PLK5: variants seen among roughly 807,000 people sequenced by gnomAD.
PLK5 encodes inactive serine/threonine-protein kinase PLK5.
Under a neutral mutation model 33.7 loss-of-function variants are expected in PLK5, and 28 were observed. That is an observed-to-expected ratio of 0.83 (90% CI 0.62 to 1.14). The LOEUF (loss-of-function observed/expected upper bound fraction) is 1.14. Among genes scored for constraint, PLK5 ranks in the 50% most tolerant of loss-of-function variants. PLK5 has a pLI of 0.00. For synonymous variants in PLK5, 225 were observed against 202.2 expected (o/e 1.11, Z -0.96); for missense variants, 492 against 461.5 (o/e 1.07, Z -0.61).
chr19:1,530,533 C>A (rs4485495), intron 11 of PLK5, among the ~76,000 whole-genome samples: 10,319 of 150,760 alleles, frequency 0.068, 1,161 homozygotes, highest in African/African-American at 0.24. Flanking sequence ...TCCTGACCTC[C>A]GGTGATCTGG....
At position 1,535,381 on chromosome 19, in the gene PLK5, C is replaced by G; in HGVS notation, c.*131C>G. 9.9e-7 allele frequency: 1 copy of G among 1,014,440 alleles called. No homozygotes were observed. The highest frequency in any genetic ancestry group is 1.7e-5 in the South Asian group (1 of 58,522). 62.8% of individuals were successfully genotyped at this position (1,014,440 alleles called of 1,614,324 possible). On this transcript the variant is annotated 3_prime_UTR_variant, in exon 14 of 14. Coordinates refer to ENST00000454744, the MANE Select transcript of PLK5 (RefSeq NM_001243079.2). ...GGGGCACACGGGAGGTGGGTTCTTG[C>G]CTTGTGGCATGACTGTTCAACCCAG...
At chr19:1,531,623 C>T (rs979510546) in intron 11 of PLK5, 115 bp from the exon 12 acceptor site, 20 of 1,296,034 alleles carry the variant, frequency 1.5e-5, no homozygotes, top group Non-Finnish European at 1.7e-5. Context: ...AGCCTCTGTC[C>T]GGTCCCCGCC....
chr19:1,526,540 G>T lies in PLK5; in HGVS notation c.-258G>T, dbSNP rs2256653. 189,952 of 285,786 alleles carry T rather than the reference G, an allele frequency of 0.66. 64,091 individuals are homozygous for T. Among genetic ancestry groups the T allele is most frequent in the Middle Eastern group, 0.84 (689 of 824 alleles). The allele number at this position is 285,786 out of a possible 1,614,324, so 17.7% of individuals were successfully genotyped here. On this transcript the variant is annotated 5_prime_UTR_variant, in exon 4 of 14. Transcript: ENST00000454744. ...GATCCTGACGGAGCCAGAAGTGCGCGACTACCTGCGGGGCCTGGTCAGCGG... is the reference window on the plus strand; with the variant it reads ...GATCCTGACGGAGCCAGAAGTGCGCTACTACCTGCGGGGCCTGGTCAGCGG...
Position 1,526,757 on chromosome 19 carries a change from G to T in PLK5, c.-129G>T. 1 of 573,858 alleles carries T rather than the reference G, an allele frequency of 1.7e-6. No individual in the cohort carries two copies. Among genetic ancestry groups the T allele is most frequent in the Non-Finnish European group, 3.1e-6 (1 of 322,646 alleles). 35.5% of individuals were successfully genotyped at this position (573,858 alleles called of 1,614,324 possible). A position where few individuals can be genotyped will look rare whatever the true frequency, so the allele number is the denominator to read the frequency against. The stretch of plus-strand genomic sequence containing the variant: ...GGTGAAGATTGGAGACCTGGGACTG[G>T]CGGCCAAGGTGGGGCCAGGGGGCCG... On this transcript the variant is annotated 5_prime_UTR_variant, in exon 5 of 14. Transcript: ENST00000454744.
chr19:1,528,076 C>T lies in PLK5; in HGVS notation c.143C>T (p.Pro48Leu). ...CGCCTCATCGTGCACCTCCTAGCAC[C>T]CAACCCGGCCGAGCGGCCCAGCCTG... ...ARRLIVHLLA[P>L]NPAERPSLDH... The change falls in exon 7 of 14, where the codon CCC (proline) becomes CTC (leucine). Residue 48 changes from proline to leucine, a missense_variant. Transcript: ENST00000454744. 6.5e-7 allele frequency: 1 copy of T among 1,536,062 alleles called. No homozygotes were observed. The highest frequency in any genetic ancestry group is 8.7e-7 in the Non-Finnish European group (1 of 1,146,850).
At chr19:1,533,407 A>G (rs929441670) in intron 12 of PLK5, among the ~76,000 whole-genome samples, 1 of 152,084 alleles carries the variant, frequency 6.6e-6, no homozygotes, top group African/African-American at 2.4e-5. Flanking sequence ...CAATCTTTCT[A>G]GCGGGAGTGA....
Position 1,528,940 on chromosome 19 carries a change from G to A in PLK5, c.371G>A (p.Gly124Glu), listed in dbSNP as rs1913841496. ...GAGGCCTCGGGTCCAGGAGAAGGTG[G>A]GCCAGACCCTGACTCCATGGAGTGG... ...PKEASGPGEGGPDPDSMEWDG... is the reference protein window; with the variant it reads ...PKEASGPGEGEPDPDSMEWDG... Residue 124 changes from glycine to glutamate, a missense_variant, in exon 9 of 14, where the codon GGG becomes GAG. Coordinates refer to ENST00000454744, the MANE Select transcript of PLK5 (RefSeq NM_001243079.2). 4 of 1,520,142 alleles carry A rather than the reference G, an allele frequency of 2.6e-6. No individual in the cohort carries two copies. Among genetic ancestry groups the A allele is most frequent in the Non-Finnish European group, 3.5e-6 (4 of 1,139,780 alleles). 94.2% of individuals were successfully genotyped at this position (1,520,142 alleles called of 1,614,324 possible). A position where few individuals can be genotyped will look rare whatever the true frequency, so the allele number is the denominator to read the frequency against.
chr19:1,533,789 G>T, intron 12 of PLK5, 142 bp from the exon 13 acceptor site: 5 of 666,736 alleles, frequency 7.5e-6, no homozygotes, highest in South Asian at 7.0e-5. Flanking sequence ...CGGCCTGCTG[G>T]GCGCCAAGCT....
In PLK5 at chr19:1,535,403, C is replaced by A; in HGVS notation, c.*153C>A. 1.3e-6 allele frequency: 1 copy of A among 756,808 alleles called. No homozygotes were observed. The highest frequency in any genetic ancestry group is 2.0e-6 in the Non-Finnish European group (1 of 502,738). 46.9% of individuals were successfully genotyped at this position (756,808 alleles called of 1,614,324 possible). ...TTGCCTTGTGGCATGACTGTTCAACCCAGACTTTGCTGGGATCTCTTCCTT... is the reference window on the plus strand; with the variant it reads ...TTGCCTTGTGGCATGACTGTTCAACACAGACTTTGCTGGGATCTCTTCCTT... On this transcript the variant is annotated 3_prime_UTR_variant, in exon 14 of 14. Transcript: ENST00000454744.
chr19:1,531,846 C>T lies in PLK5; in HGVS notation c.677C>T (p.Thr226Met), dbSNP rs977239737. 26 of 1,524,992 alleles carry T rather than the reference C, an allele frequency of 1.7e-5. No individual in the cohort carries two copies. Among genetic ancestry groups the T allele is most frequent in the South Asian group, 7.3e-5 (6 of 82,254 alleles). 94.5% of individuals were successfully genotyped at this position (1,524,992 alleles called of 1,614,324 possible). ...TACCAGCTCTTGGACGGGGGGCGCA[C>T]GGGACGGCACCCACATGGCCCTGCG... The part of the protein sequence containing the change: ...FGYQLLDGGR[T>M]GRHPHGPATP... Residue 226 changes from threonine (T) to methionine (M), a missense_variant, in exon 12 of 14, where the codon ACG becomes ATG. Thr to Met is a moderately conservative substitution (Grantham distance 81). Coordinates refer to ENST00000454744, the MANE Select transcript of PLK5 (RefSeq NM_001243079.2).
intron 13 of PLK5, 120 bp downstream of exon 13, chr19:1,534,161 A>G (rs1311290481): frequency 1.3e-4 from 94 of 717,148 alleles, no homozygotes; most frequent in Middle Eastern, 7.8e-4. Flanking sequence ...CCAGGAAAAA[A>G]AAAAAAAAAA....
rs527836151 is a variant in PLK5, at chr19:1,534,778, C to T, written c.826-287C>T. Among the ~76,000 whole-genome samples, 271 of 151,842 alleles carry T rather than the reference C, an allele frequency of 1.8e-3. 1 individual carries two copies. The highest frequency in any genetic ancestry group is 5.8e-3 in the African/African-American group (239 of 41,360). On this transcript the variant is annotated intron_variant, in intron 13 of 13. Coordinates refer to ENST00000454744, the MANE Select transcript of PLK5 (RefSeq NM_001243079.2). ...CTTGCAGTGAGCCGAGATCGCGCCACTGCACTCCAGCCTGGGTGACAGAGC... is the reference window on the plus strand; with the variant it reads ...CTTGCAGTGAGCCGAGATCGCGCCATTGCACTCCAGCCTGGGTGACAGAGC...
At chr19:1,531,610 C>T in intron 11 of PLK5, 128 bp from the exon 12 acceptor site, 1 of 1,165,366 alleles carries the variant, frequency 8.6e-7, no homozygotes, top group East Asian at 3.0e-5. Context: ...ACCGAAGCCC[C>T]CAAGCCTCTG....
At chr19:1,530,360 C>T (rs1913891314) in intron 11 of PLK5, among the ~76,000 whole-genome samples, 1 of 151,494 alleles carries the variant, frequency 6.6e-6, no homozygotes, top group South Asian at 2.1e-4. Flanking sequence ...GCAATGGTGC[C>T]ATCTTGGCTC....
intron 6 of PLK5, 93 bp from the exon 7 acceptor site, chr19:1,527,843 C>A: frequency 7.6e-7 from 1 of 1,310,848 alleles, no homozygotes. Context: ...ATGGGTTGCA[C>A]AGCTAAGCTG....
intron 12 of PLK5, among the ~76,000 whole-genome samples, chr19:1,533,384 C>T (rs1000440052): frequency 1.6e-4 from 24 of 152,192 alleles, no homozygotes; most frequent in Non-Finnish European, 2.9e-4. Flanking sequence ...AGCCACCGCG[C>T]CCGGCCTTAA....
intron 13 of PLK5, among the ~76,000 whole-genome samples, chr19:1,534,761 G>A (rs12461623): frequency 0.26 from 39,057 of 150,810 alleles, 5,819 homozygotes; most frequent in East Asian, 0.63. Context: ...AGCTTGCAGT[G>A]AGCCGAGATC....
intron 12 of PLK5, among the ~76,000 whole-genome samples, chr19:1,533,499 A>G (rs1913993513): frequency 6.6e-6 from 1 of 151,536 alleles, no homozygotes; most frequent in Admixed American, 6.6e-5. Context: ...CCGGGGAGGG[A>G]TGAGAGGGGC....
intron 8 of PLK5, 88 bp from the exon 9 acceptor site, chr19:1,528,805 CCACAT>C: frequency 1.9e-6 from 2 of 1,032,752 alleles, no homozygotes; most frequent in Non-Finnish European, 2.7e-6. Flanking sequence ...CGCTCTGTCT[CCACAT>C]CAGGGGTGGG....
Sources: allele counts gnomAD v4.1 joint callset (sites outside exome capture counted in the v4.1 genomes callset), GRCh38; gene constraint gnomAD v4.1.1; transcripts MANE v1.5; gene names NCBI Gene and HGNC (gene_info 2026-07-23, HGNC 2026-07-21).